The following CFAP52 variants were observed in gnomAD, a reference collection of about 807,000 sequenced individuals.
The protein encoded by CFAP52 is cilia and flagella associated protein 52.
CFAP52 carries 57 observed loss-of-function variants against 70.5 expected under a neutral mutation model. The ratio of observed to expected loss-of-function variants is 0.81; its 90% CI spans 0.65 to 1.01. The LOEUF is 1.01. Ranked by LOEUF, CFAP52 falls within the 50% of genes least tolerant of loss-of-function variation. CFAP52 has a pLI of 0.00. For missense variants in CFAP52, 785 were observed against 788.5 expected, an observed-to-expected ratio of 1.00 and a Z score of 0.05; for synonymous variants, 267 against 292.5, an observed-to-expected ratio of 0.91 and a Z score of 0.89.
At chr17:9,587,195 G>T (rs933176656) in intron 3 of CFAP52, among the ~76,000 whole-genome samples, 2 of 152,186 alleles carry the variant, frequency 1.3e-5, no homozygotes, top group African/African-American at 4.8e-5. Context: ...TAATTCTCAT[G>T]ATCTCATTCT....
chr17:9,623,422 T>G (rs1297976109), intron 8 of CFAP52, among the ~76,000 whole-genome samples: 1 of 152,206 alleles, frequency 6.6e-6, no homozygotes, highest in African/African-American at 2.4e-5. Flanking sequence ...CCATTTACAT[T>G]TAATATAATC....
At chr17:9,608,249 G>T (rs1224891388) in intron 7 of CFAP52, 30 bp downstream of exon 7, 1 of 1,519,682 alleles carries the variant, frequency 6.6e-7, no homozygotes, top group South Asian at 1.3e-5. Flanking sequence ...CAGTGGGGCT[G>T]GGTAGAGACC....
chr17:9,639,155 C>T (rs1317661153), intron 12 of CFAP52: 1 of 155,486 alleles, frequency 6.4e-6, no homozygotes, highest in Admixed American at 6.4e-5. Context: ...CGGAGCCAAG[C>T]GTGGTGGCTG....
chr17:9,580,760 A>AG (rs1908185945), intron 1 of CFAP52, among the ~76,000 whole-genome samples: 2 of 151,596 alleles, frequency 1.3e-5, no homozygotes, highest in African/African-American at 4.8e-5. Flanking sequence ...CAAAAAAAGA[A>AG]AAAAAAAGGG....
At chr17:9,645,552 T>C, downstream of CFAP52, 1 of 1,135,930 alleles carries the variant, frequency 8.8e-7, no homozygotes. This position sits in a 1 kb window ranked among gnomAD's most constrained non-coding sequence, Gnocchi z 6.8. Context: ...CCAGGAGCCT[T>C]AGAGAAGCTG....
chr17:9,594,433 C>G, intron 4 of CFAP52, 112 bp downstream of exon 4: 3 of 1,325,480 alleles, frequency 2.3e-6, no homozygotes, highest in Non-Finnish European at 2.0e-6. Flanking sequence ...GGATAAATAC[C>G]TTACATCATA....
At chr17:9,633,785 G>A (rs937374924) in intron 10 of CFAP52, among the ~76,000 whole-genome samples, 3 of 149,552 alleles carry the variant, frequency 2.0e-5, no homozygotes, top group Non-Finnish European at 4.4e-5. Flanking sequence ...CACGCCATTC[G>A]CCTGCCTCAG....
At chr17:9,581,635 A>G (rs74381681) in intron 1 of CFAP52, among the ~76,000 whole-genome samples, 1,715 of 152,246 alleles carry the variant, frequency 0.011, 17 homozygotes, top group Middle Eastern at 0.034. Flanking sequence ...TGTCTGGAGA[A>G]GAGAGCAAAG....
Position 9,641,774 on chromosome 17 carries a change from T to G in CFAP52, c.1626T>G (p.Gly542=), listed in dbSNP as rs186330428. The stretch of plus-strand genomic sequence containing the variant: ...GGACAGTAATCAGAGAATTGGAAGG[T>G]TCCCTGTCTGGGTCGATAAATGGCA... ...FDGTVIRELE[G]SLSGSINGMD... Residue 542 remains glycine, a synonymous_variant, in exon 13 of 14, where the codon GGT becomes GGG. Coordinates refer to ENST00000352665, the MANE Select transcript of CFAP52 (RefSeq NM_145054.5). 8 of 1,613,976 alleles carry G rather than the reference T, an allele frequency of 5.0e-6. No individual in the cohort carries two copies. Among genetic ancestry groups the G allele is most frequent in the Non-Finnish European group, 2.5e-6 (3 of 1,179,892 alleles).
chr17:9,591,021 T>A (rs1908724902), intron 3 of CFAP52, among the ~76,000 whole-genome samples: 1 of 142,698 alleles, frequency 7.0e-6, no homozygotes, highest in Admixed American at 7.5e-5. Context: ...TCCTATAGTT[T>A]GCATGCATCT....
chr17:9,632,046 T>G (rs1349551497), intron 9 of CFAP52, among the ~76,000 whole-genome samples: 1 of 151,462 alleles, frequency 6.6e-6, no homozygotes, highest in African/African-American at 2.4e-5. Flanking sequence ...GCGCTGGGAT[T>G]ACAGGTATGA....
intron 8 of CFAP52, among the ~76,000 whole-genome samples, chr17:9,624,186 T>A (rs1346382885): frequency 6.6e-6 from 1 of 152,190 alleles, no homozygotes; most frequent in African/African-American, 2.4e-5. Flanking sequence ...TAGCATTTGT[T>A]AAACTTTTTG....
Position 9,630,274 on chromosome 17 carries a change from G to T in CFAP52, c.1174+1454G>T, listed in dbSNP as rs573269219. Among the ~76,000 whole-genome samples, 10 of 151,294 alleles carry T rather than the reference G, an allele frequency of 6.6e-5. No individual in the cohort carries two copies. In the East Asian group the frequency reaches 1.7e-3, roughly 25 times the overall value. On this transcript the variant is annotated intron_variant, in intron 9 of 13. Transcript: ENST00000352665. ...AGAAGCCAGAAGCCAGAAGCCAGAG[G>T]TCTGTTTTAAAATGTAAGTCAGGGC...
Position 9,585,938 on chromosome 17 carries a change from T to G in CFAP52, c.236T>G (p.Ile79Ser). 2 of 1,612,932 alleles carry G rather than the reference T, an allele frequency of 1.2e-6. No homozygotes were observed. The highest frequency in any genetic ancestry group is 1.7e-6 in the Non-Finnish European group (2 of 1,179,506). Reference protein sequence around the residue: ...CLAISRSGEYIASGQVTFMGF... With the variant: ...CLAISRSGEYSASGQVTFMGF... The stretch of plus-strand genomic sequence containing the variant: ...GCCATCTCCAGGTCTGGAGAGTACA[T>G]CGCCTCCGGACAAGTCACATTCATG... The change falls in exon 2 of 14, where the codon ATC becomes AGC. Residue 79 changes from isoleucine (I) to serine (S), a missense_variant. Ile to Ser is a moderately radical substitution (Grantham distance 142, BLOSUM62 -2). Coordinates refer to ENST00000352665, the MANE Select transcript of CFAP52 (RefSeq NM_145054.5).
intron 12 of CFAP52, chr17:9,639,080 A>G: frequency 4.7e-6 from 1 of 210,554 alleles, no homozygotes; most frequent in Non-Finnish European, 9.6e-6. Flanking sequence ...AAATTCAGAC[A>G]GAAAGGCAAT....
chr17:9,598,390 T>G (rs1003694741), intron 5 of CFAP52, 57 bp downstream of exon 5: 35 of 1,437,986 alleles, frequency 2.4e-5, no homozygotes, highest in Non-Finnish European at 3.4e-5. Flanking sequence ...TTAGCAGTGC[T>G]GACCAAGGTG....
At chr17:9,637,337 A>T (rs867161013) in intron 11 of CFAP52, among the ~76,000 whole-genome samples, 7 of 152,178 alleles carry the variant, frequency 4.6e-5, no homozygotes, top group South Asian at 2.1e-4. Flanking sequence ...ACTGCCTCAA[A>T]TCCTTAAAGC....
intron 4 of CFAP52, chr17:9,597,464 C>T (rs1208062596): frequency 6.6e-6 from 1 of 152,044 alleles, no homozygotes; most frequent in African/African-American, 2.4e-5. Flanking sequence ...TGTATATAAA[C>T]ATCATGATGT....
At chr17:9,639,417 C>A (rs982545918) in intron 12 of CFAP52, among the ~76,000 whole-genome samples, 2 of 150,024 alleles carry the variant, frequency 1.3e-5, no homozygotes, top group Non-Finnish European at 3.0e-5. Flanking sequence ...GGTGACAGAG[C>A]AAGACTCTCT....
Sources: allele counts gnomAD v4.1 joint callset (sites outside exome capture counted in the v4.1 genomes callset), GRCh38; gene constraint gnomAD v4.1.1; non-coding constraint Gnocchi (gnomAD v3.1); transcripts MANE v1.5; gene names NCBI Gene and HGNC (gene_info 2026-07-23, HGNC 2026-07-21).